EFTUD2: variants seen among roughly 807,000 people sequenced by gnomAD.
EFTUD2 encodes the protein elongation factor Tu GTP binding domain containing 2.
EFTUD2 carries 9 observed loss-of-function variants against 114.3 expected under a neutral mutation model. The observed-to-expected ratio is 0.08, with a 90% confidence interval of 0.05 to 0.14. EFTUD2 has a LOEUF of 0.14. Ranked by LOEUF, EFTUD2 falls within the 10% of genes least tolerant of loss-of-function variation. The probability of loss-of-function intolerance (pLI) is 1.00; values close to 1 mark genes in which losing one functional copy is unlikely to be tolerated. For missense variants in EFTUD2, 765 were observed against 1,241.2 expected (o/e 0.62, Z 5.76); for synonymous variants, 449 against 462.3 (o/e 0.97, Z 0.37).
chr17:44,883,239 C>T (rs2051105358), intron 5 of EFTUD2, 81 bp from the exon 6 acceptor site: 9 of 1,316,816 alleles, frequency 6.8e-6, no homozygotes, highest in Non-Finnish European at 8.7e-6. Context: ...CAATACACCA[C>T]ATAATTTAGG....
rs369479190 is a variant in EFTUD2, at chr17:44,860,025, C to G, written c.1740G>C (p.Leu580Phe). The G allele has an allele frequency of 7.4e-6, 12 of 1,614,032 alleles. No individual in the cohort carries two copies. Among genetic ancestry groups the G allele is most frequent in the Non-Finnish European group, 1.0e-5 (12 of 1,180,052 alleles). Reference sequence around the variant, plus strand: ...TGATAACAGATGTGGTATTGAACTTCAAGGGTCGGAAAATCTGAGCCTGAG... The same window carrying G: ...TGATAACAGATGTGGTATTGAACTTGAAGGGTCGGAAAATCTGAGCCTGAG... ...GNEEAQIFRP[L>F]KFNTTSVIKI... The change falls in exon 18 of 28, where the codon TTG (leucine) becomes TTC (phenylalanine). Residue 580 changes from leucine to phenylalanine, a missense_variant. Leu to Phe is a conservative substitution (Grantham distance 22, BLOSUM62 0). This residue lies in a region of EFTUD2 where 149 missense variants were observed against 245.1 expected (regional missense o/e 0.61). Coordinates refer to ENST00000426333, the MANE Select transcript of EFTUD2 (RefSeq NM_004247.4).
chr17:44,876,015 A>T lies in EFTUD2; in HGVS notation c.788T>A (p.Leu263Gln). ...TGGAGGCAGCTTCAGCTCCAGGATCAGCCGGTCAATCTTGTTGATGCACAC... is the reference window on the plus strand; with the variant it reads ...TGGAGGCAGCTTCAGCTCCAGGATCTGCCGGTCAATCTTGTTGATGCACAC... ...VTVCINKIDR[L>Q]ILELKLPPTD... The change falls in exon 10 of 28, where the codon CTG (leucine) becomes CAG (glutamine). Residue 263 changes from leucine to glutamine, a missense_variant. Coordinates refer to ENST00000426333, the MANE Select transcript of EFTUD2 (RefSeq NM_004247.4). The T allele has an allele frequency of 6.2e-7, 1 of 1,614,076 alleles. No individual in the cohort carries two copies.
At chr17:44,856,834 C>CA (rs1220947006) in intron 20 of EFTUD2, among the ~76,000 whole-genome samples, 10 of 151,746 alleles carry the variant, frequency 6.6e-5, no homozygotes, top group African/African-American at 2.4e-4. Flanking sequence ...TTTATAGAGA[C>CA]AAAGTGGCAG....
chr17:44,898,335 A>G (rs35653192), intron 1 of EFTUD2, among the ~76,000 whole-genome samples: 3,384 of 152,270 alleles, frequency 0.022, 49 homozygotes, highest in Non-Finnish European at 0.031. Context: ...CTCCTGCCTC[A>G]GCCTCCCGAG....
chr17:44,891,349 T>C (rs1343210513), intron 2 of EFTUD2, among the ~76,000 whole-genome samples: 11 of 152,236 alleles, frequency 7.2e-5, no homozygotes, highest in African/African-American at 2.6e-4. Flanking sequence ...ACTCAACTGT[T>C]TGTACTGAGG....
At chr17:44,860,585 G>T (rs746222211) in intron 16 of EFTUD2, 42 bp from the exon 17 acceptor site, 2 of 1,140,454 alleles carry the variant, frequency 1.8e-6, no homozygotes, top group South Asian at 1.3e-5. Flanking sequence ...CTTAGGCAGA[G>T]CATTCCCTAA....
rs777120320 is a variant in EFTUD2 at position 44,853,673 on chromosome 17, C to T, written c.2348-38G>A. 18 of 1,609,488 alleles carry T rather than the reference C, an allele frequency of 1.1e-5. No homozygotes were observed. In the East Asian group the frequency reaches 2.9e-4, roughly 26 times the overall value. ...TGGAGGGAGTGACTGGGGAGAGGTT[C>T]TGGGCCTGTCATGGGGCCATGGCAG... On this transcript the variant is annotated intron_variant, in intron 23 of 27. Coordinates refer to ENST00000426333, the MANE Select transcript of EFTUD2 (RefSeq NM_004247.4).
chr17:44,871,590 C>T (rs1437804872), intron 11 of EFTUD2, among the ~76,000 whole-genome samples: 3 of 152,172 alleles, frequency 2.0e-5, no homozygotes, highest in Admixed American at 2.0e-4. Context: ...CTGCCTGCCT[C>T]AGCCTCCCAG....
chr17:44,886,289 G>A (rs545143377), intron 3 of EFTUD2, among the ~76,000 whole-genome samples: 8 of 152,268 alleles, frequency 5.3e-5, no homozygotes, highest in African/African-American at 1.9e-4. Context: ...AAAAGGGTTG[G>A]AGTTATTTGG....
intron 1 of EFTUD2, among the ~76,000 whole-genome samples, chr17:44,897,734 T>A (rs1484427911): frequency 6.6e-6 from 1 of 152,068 alleles, no homozygotes; most frequent in South Asian, 2.1e-4. Context: ...TTGGCTAATT[T>A]TTGTATTTTT....
chr17:44,867,947 CT>C (rs1420399589), intron 12 of EFTUD2, 50 bp from the exon 13 acceptor site: 1 of 1,502,884 alleles, frequency 6.7e-7, no homozygotes, highest in African/African-American at 1.4e-5. Flanking sequence ...GGCACTATCA[CT>C]GATCCCAAGA....
intron 26 of EFTUD2, 73 bp from the exon 27 acceptor site, chr17:44,851,890 CTTAT>C (rs2050459714): frequency 6.3e-6 from 8 of 1,273,032 alleles, no homozygotes; most frequent in Non-Finnish European, 8.6e-6. Context: ...CAGGACTCTT[CTTAT>C]TTATTTTATT....
At chr17:44,873,876 C>T (rs1404430145) in intron 10 of EFTUD2, among the ~76,000 whole-genome samples, 7 of 151,418 alleles carry the variant, frequency 4.6e-5, no homozygotes, top group East Asian at 3.9e-4. Flanking sequence ...GGATTACAGG[C>T]GCCCGCCACC....
At chr17:44,884,531 AAGAG>A (rs1207993821) in intron 4 of EFTUD2, among the ~76,000 whole-genome samples, 16 of 150,686 alleles carry the variant, frequency 1.1e-4, no homozygotes, top group Non-Finnish European at 1.9e-4. Context: ...AAAAAAAAAA[AAGAG>A]AGAGAGAGAG....
At chr17:44,893,465 G>A (rs2051319243) in intron 2 of EFTUD2, among the ~76,000 whole-genome samples, 1 of 152,160 alleles carries the variant, frequency 6.6e-6, no homozygotes. Flanking sequence ...GAGCTTGTGA[G>A]GGAGCTCCCA....
At chr17:44,864,494 G>A (rs2050710789) in intron 14 of EFTUD2, among the ~76,000 whole-genome samples, 1 of 152,174 alleles carries the variant, frequency 6.6e-6, no homozygotes, top group Non-Finnish European at 1.5e-5. Context: ...GGGCAGGATC[G>A]AGACAGACTC....
intron 2 of EFTUD2, 41 bp from the exon 3 acceptor site, chr17:44,886,791 C>T (rs370316007): frequency 1.5e-5 from 23 of 1,580,562 alleles, no homozygotes; most frequent in African/African-American, 1.1e-4. Flanking sequence ...GAGGCACACG[C>T]TTTTCCTGTT....
rs975894937 is a variant in EFTUD2, at chr17:44,894,097, T to G, written c.105+320A>C. 4.2e-4 allele frequency: 90 copies of G among 215,910 alleles called. No homozygotes were observed. The Middle Eastern group carries it at 9.3e-3, about 22-fold the overall frequency. The allele number at this position is 215,910 out of a possible 1,614,324, so 13.4% of individuals were successfully genotyped here. ...AAAAAAAAAAGAAAAAAGAGGGGGC[T>G]GGGCATGGTGGCTCATGCCTGTAAT... On this transcript the variant is annotated intron_variant, in intron 2 of 27. Transcript: ENST00000426333.
chr17:44,874,370 T>G (rs2050909574), intron 10 of EFTUD2, among the ~76,000 whole-genome samples: 1 of 152,104 alleles, frequency 6.6e-6, no homozygotes, highest in Non-Finnish European at 1.5e-5. Flanking sequence ...ATTTGTCATT[T>G]CATCCTTTGG....
Sources: allele counts gnomAD v4.1 joint callset (sites outside exome capture counted in the v4.1 genomes callset), GRCh38; gene constraint gnomAD v4.1.1; regional missense constraint gnomAD v4.1.1; transcripts MANE v1.5; gene names NCBI Gene and HGNC (gene_info 2026-07-23, HGNC 2026-07-21).